Variants in ZNF618 observed in about 807,000 individuals in gnomAD.
ZNF618 encodes neural precursor cell expressed, developmentally down-regulated 10.
ZNF618 carries 34 observed loss-of-function variants against 103.0 expected under a neutral mutation model. The ratio of observed to expected loss-of-function variants is 0.33; its 90% CI spans 0.25 to 0.44. The LOEUF (loss-of-function observed/expected upper bound fraction) is 0.44. ZNF618 is among the 20% of genes least tolerant of loss of function. ZNF618 has a pLI of 1.00. For missense variants in ZNF618, 1,059 were observed against 1,295.4 expected, an observed-to-expected ratio of 0.82 and a Z score of 2.80; for synonymous variants, 551 against 542.2, an observed-to-expected ratio of 1.02 and a Z score of -0.23.
intron 10 of ZNF618, among the ~76,000 whole-genome samples, chr9:114,021,976 T>G (rs1843107973): frequency 6.6e-6 from 1 of 152,150 alleles, no homozygotes. Flanking sequence ...CATGCCACAA[T>G]TACTTTGTTC....
At chr9:113,957,504 G>T (rs929976871) in intron 1 of ZNF618, among the ~76,000 whole-genome samples, 1 of 152,186 alleles carries the variant, frequency 6.6e-6, no homozygotes, top group East Asian at 1.9e-4. Context: ...ACTGCCTCTC[G>T]AGCAAGTCAG....
chr9:113,905,410 A>G (rs1195957524), intron 1 of ZNF618, among the ~76,000 whole-genome samples: 4 of 152,212 alleles, frequency 2.6e-5, no homozygotes, highest in Admixed American at 6.5e-5. Flanking sequence ...CTACAGGCCA[A>G]ATATGGGGCA....
intron 3 of ZNF618, among the ~76,000 whole-genome samples, chr9:113,991,064 C>T (rs1840015725): frequency 6.6e-6 from 1 of 152,318 alleles, no homozygotes; most frequent in Admixed American, 6.5e-5. Context: ...AATCTGAATC[C>T]TGGGATAGAG....
At chr9:113,981,161 G>A (rs1838939893) in intron 2 of ZNF618, among the ~76,000 whole-genome samples, 1 of 152,118 alleles carries the variant, frequency 6.6e-6, no homozygotes, top group Non-Finnish European at 1.5e-5. Flanking sequence ...CCTAAGGAGT[G>A]GAGTTTTATT....
chr9:113,932,162 G>A (rs78387365), intron 1 of ZNF618, among the ~76,000 whole-genome samples: 4,530 of 152,262 alleles, frequency 0.03, 172 homozygotes, highest in Admixed American at 0.096. Flanking sequence ...ATGGAGTGGA[G>A]GGCTATTTGA....
intron 1 of ZNF618, among the ~76,000 whole-genome samples, chr9:113,892,906 C>T (rs1829731122): frequency 6.6e-6 from 1 of 152,174 alleles, no homozygotes; most frequent in Non-Finnish European, 1.5e-5. Flanking sequence ...CTTCTATGTA[C>T]TTAGGACTGT....
rs1040139873 is a variant in ZNF618, at chr9:114,050,436, ACACACG to A, written c.*275_*280del. The A allele has an allele frequency of 6.5e-5, 21 of 322,332 alleles. No individual in the cohort carries two copies. The highest frequency in any genetic ancestry group is 4.9e-4 in the South Asian group (12 of 24,312). 20.0% of individuals were successfully genotyped at this position (322,332 alleles called of 1,614,324 possible). A position where few individuals can be genotyped will look rare whatever the true frequency, so the allele number is the denominator to read the frequency against. On this transcript the variant is annotated 3_prime_UTR_variant, in exon 15 of 15. Coordinates refer to ENST00000374126, the MANE Select transcript of ZNF618 (RefSeq NM_001318042.2). Reference sequence around the variant, plus strand: ...ATCTCCATGGCCAGAGAAACTTTGCACACACGCACACACACACACACACACACACAC... The same window carrying A: ...ATCTCCATGGCCAGAGAAACTTTGCACACACACACACACACACACACACAC...
At chr9:114,041,433 G>C (rs992431856) in intron 13 of ZNF618, among the ~76,000 whole-genome samples, 1 of 152,166 alleles carries the variant, frequency 6.6e-6, no homozygotes, top group African/African-American at 2.4e-5. Flanking sequence ...TATTGCCTAG[G>C]TTTCCTTCTA....
Position 113,951,506 on chromosome 9 carries a change from T to C in ZNF618, c.34-17611T>C, listed in dbSNP as rs543107072. 1.2e-4 allele frequency among the ~76,000 whole-genome samples: 14 copies of C among 119,968 alleles called. 2 individuals carry two copies. The highest frequency in any genetic ancestry group is 5.9e-4 in the South Asian group (2 of 3,402). The allele number at this position is 119,968 out of a possible 152,430, so 78.7% of individuals were successfully genotyped here. On this transcript the variant is annotated intron_variant, in intron 1 of 14. Coordinates refer to ENST00000374126, the MANE Select transcript of ZNF618 (RefSeq NM_001318042.2). Reference sequence around the variant, plus strand: ...ACATATATGTGTGTATGTGTACACATATATGTGTGTATATGTACACATATG... The same window carrying C: ...ACATATATGTGTGTATGTGTACACACATATGTGTGTATATGTACACATATG...
chr9:113,890,857 A>G (rs548869041), intron 1 of ZNF618, among the ~76,000 whole-genome samples: 5 of 152,190 alleles, frequency 3.3e-5, no homozygotes, highest in South Asian at 4.1e-4. Flanking sequence ...TTTAGTTGGT[A>G]TGTTTTACTT....
At chr9:113,994,566 A>G (rs1473564825) in intron 3 of ZNF618, among the ~76,000 whole-genome samples, 1 of 152,230 alleles carries the variant, frequency 6.6e-6, no homozygotes, top group East Asian at 1.9e-4. Context: ...TAAGCCCCTT[A>G]ACTTCTCTAA....
At chr9:113,984,006 C>G (rs1839217990) in intron 2 of ZNF618, among the ~76,000 whole-genome samples, 2 of 152,128 alleles carry the variant, frequency 1.3e-5, no homozygotes, top group African/African-American at 4.8e-5. Flanking sequence ...TATGGAGCAC[C>G]TAATATAGGC....
intron 3 of ZNF618, among the ~76,000 whole-genome samples, chr9:113,997,299 G>T (rs1267789236): frequency 6.6e-6 from 1 of 151,984 alleles, no homozygotes; most frequent in East Asian, 1.9e-4. Flanking sequence ...GTAGAGATGG[G>T]GGTCTTGCTG....
intron 9 of ZNF618, among the ~76,000 whole-genome samples, chr9:114,012,718 A>G (rs1445811435): frequency 6.6e-6 from 1 of 152,190 alleles, no homozygotes; most frequent in Non-Finnish European, 1.5e-5. Flanking sequence ...CAAAATTGGA[A>G]TTAGTGATGT....
intron 1 of ZNF618, among the ~76,000 whole-genome samples, chr9:113,936,467 G>C (rs920890744): frequency 3.3e-5 from 5 of 152,256 alleles, no homozygotes; most frequent in African/African-American, 1.2e-4. Flanking sequence ...TCTGCTCCCA[G>C]ATTATTTGCT....
intron 1 of ZNF618, among the ~76,000 whole-genome samples, chr9:113,886,548 A>G (rs1189151362): frequency 1.3e-5 from 2 of 152,080 alleles, no homozygotes; most frequent in African/African-American, 2.4e-5. Flanking sequence ...AATTGTGTTT[A>G]TGTGGGTGTT....
At chr9:113,880,278 G>T (rs908258962) in intron 1 of ZNF618, among the ~76,000 whole-genome samples, 3 of 152,066 alleles carry the variant, frequency 2.0e-5, no homozygotes, top group Admixed American at 2.0e-4. Flanking sequence ...AAAATGAAGT[G>T]GCTCTTTTCA....
At chr9:113,929,296 C>T (rs1315646714) in intron 1 of ZNF618, among the ~76,000 whole-genome samples, 1 of 152,226 alleles carries the variant, frequency 6.6e-6, no homozygotes, top group Admixed American at 6.5e-5. Flanking sequence ...GCCCCAGCCA[C>T]TGCAGCTCCT....
chr9:114,005,270 G>A (rs1026580191), intron 6 of ZNF618, among the ~76,000 whole-genome samples: 1 of 152,224 alleles, frequency 6.6e-6, no homozygotes, highest in African/African-American at 2.4e-5. Context: ...CCGAGCTCTC[G>A]TGTCTGAAAA....
Sources: allele counts gnomAD v4.1 joint callset (sites outside exome capture counted in the v4.1 genomes callset), GRCh38; gene constraint gnomAD v4.1.1; transcripts MANE v1.5; gene names NCBI Gene and HGNC (gene_info 2026-07-23, HGNC 2026-07-21).